The following HNF1B variants were observed in gnomAD, a reference collection of about 807,000 sequenced individuals.
HNF1B encodes the protein HNF1 homeobox B.
Under a neutral mutation model 61.7 loss-of-function variants are expected in HNF1B, and 8 were observed. That is an observed-to-expected ratio of 0.13 (90% CI 0.08 to 0.23). The LOEUF (loss-of-function observed/expected upper bound fraction) is 0.23. Among genes scored for constraint, HNF1B ranks in the 10% least tolerant of loss-of-function variants. The pLI is 1.00. For missense variants in HNF1B, 562 were observed against 714.5 expected (o/e 0.79, Z 2.43); for synonymous variants, 314 against 287.7 (o/e 1.09, Z -0.93).
intron 4 of HNF1B, among the ~76,000 whole-genome samples, chr17:37,712,877 A>G (rs2032981797): frequency 1.3e-5 from 2 of 152,228 alleles, no homozygotes; most frequent in Non-Finnish European, 2.9e-5. Context: ...AAGCTGGTAC[A>G]GGAATGGACC....
chr17:37,729,521 T>C (rs1200533256), intron 4 of HNF1B: 1 of 148,800 alleles, frequency 6.7e-6, no homozygotes, highest in African/African-American at 2.5e-5. Context: ...GAAACAGTAA[T>C]AGGATCTATT....
chr17:37,723,938 C>T (rs1175761064), intron 4 of HNF1B, among the ~76,000 whole-genome samples: 1 of 152,214 alleles, frequency 6.6e-6, no homozygotes, highest in Admixed American at 6.5e-5. Flanking sequence ...CAAGGTCACA[C>T]AGCAGTAAGT....
At chr17:37,710,786 T>C (rs2032910156) in intron 4 of HNF1B, 123 bp from the exon 5 acceptor site, 1 of 888,470 alleles carries the variant, frequency 1.1e-6, no homozygotes, top group African/African-American at 1.6e-5. Flanking sequence ...TCCTCCCCTG[T>C]CCACCCACAA....
chr17:37,699,040 C>A (rs973859138), intron 8 of HNF1B, 36 bp downstream of exon 8: 1 of 1,484,900 alleles, frequency 6.7e-7, no homozygotes. Flanking sequence ...CACACCCTGC[C>A]CACACCCCAA....
Position 37,706,788 on chromosome 17 carries a change from A to T in HNF1B, c.1207-1739T>A, listed in dbSNP as rs141788565. Among the ~76,000 whole-genome samples, 10 of 152,184 alleles carry T rather than the reference A, an allele frequency of 6.6e-5. No individual in the cohort carries two copies. The East Asian group carries it at 1.7e-3, about 26-fold the overall frequency. Reference sequence around the variant, plus strand: ...ACAGTAATTTCTCTGACATTTCAGCATTTGGTTAATGGTATAAGAGAAGTG... The same window carrying T: ...ACAGTAATTTCTCTGACATTTCAGCTTTTGGTTAATGGTATAAGAGAAGTG... On this transcript the variant is annotated intron_variant, in intron 5 of 8. Coordinates refer to ENST00000617811, the MANE Select transcript of HNF1B (RefSeq NM_000458.4).
At chr17:37,719,788 A>G (rs938293411) in intron 4 of HNF1B, among the ~76,000 whole-genome samples, 5 of 152,240 alleles carry the variant, frequency 3.3e-5, no homozygotes, top group African/African-American at 2.4e-5. Flanking sequence ...AAGGGCTAAT[A>G]AAATTGCCTT....
intron 1 of HNF1B, among the ~76,000 whole-genome samples, chr17:37,742,847 C>G (rs926720981): frequency 6.6e-6 from 1 of 151,318 alleles, no homozygotes; most frequent in East Asian, 1.9e-4. Context: ...GCCGCAGGGC[C>G]GCACGGGGCG....
At position 37,731,584 on chromosome 17, in the gene HNF1B, C is replaced by T. The variant is rs750390196; in HGVS notation, c.1045+11G>A. ...GGGTTGCCGAGGCAGTGAGGCCCAA[C>T]CTTTGCTTACCTGACAGCTTGTTTG... On this transcript the variant is annotated intron_variant, in intron 4 of 8. Coordinates refer to ENST00000617811, the MANE Select transcript of HNF1B (RefSeq NM_000458.4). 6.9e-6 allele frequency: 11 copies of T among 1,605,404 alleles called. No individual in the cohort carries two copies. The highest frequency in any genetic ancestry group is 3.3e-4 in the Middle Eastern group (2 of 6,078).
intron 6 of HNF1B, among the ~76,000 whole-genome samples, chr17:37,703,154 C>A (rs2147452723): frequency 6.6e-6 from 1 of 152,350 alleles, no homozygotes; most frequent in African/African-American, 2.4e-5. Flanking sequence ...CTCATCCTAA[C>A]ACTCCATAGT....
chr17:37,742,725 C>T (rs1299331468), intron 1 of HNF1B, among the ~76,000 whole-genome samples: 1 of 151,684 alleles, frequency 6.6e-6, no homozygotes, highest in Non-Finnish European at 1.5e-5. Flanking sequence ...GTCTAAGGAC[C>T]CTGGGCCGGG....
In HNF1B at chr17:37,721,106, T is replaced by C. The variant is rs2033299227; in HGVS notation, c.1046-10443A>G. On this transcript the variant is annotated intron_variant, in intron 4 of 8. Coordinates refer to ENST00000617811, the MANE Select transcript of HNF1B (RefSeq NM_000458.4). Reference sequence around the variant, plus strand: ...CCAAGCAGGAAGAGGCACCCTGCAGTGGACAGGGCCAGAAGGCATGGGCAT... The same window carrying C: ...CCAAGCAGGAAGAGGCACCCTGCAGCGGACAGGGCCAGAAGGCATGGGCAT... 2.0e-5 allele frequency among the ~76,000 whole-genome samples: 3 copies of C among 152,288 alleles called. No homozygotes were observed. The Middle Eastern group carries it at 0.01, about 518-fold the overall frequency.
intron 4 of HNF1B, among the ~76,000 whole-genome samples, chr17:37,726,094 A>C (rs556262817): frequency 5.8e-4 from 88 of 152,148 alleles, no homozygotes; most frequent in Non-Finnish European, 1.1e-3. Flanking sequence ...AGTGTCATTT[A>C]GAGGGGAACA....
At chr17:37,711,516 C>T (rs2032934621) in intron 4 of HNF1B, among the ~76,000 whole-genome samples, 1 of 152,178 alleles carries the variant, frequency 6.6e-6, no homozygotes, top group Non-Finnish European at 1.5e-5. Context: ...GAGGTCTGCT[C>T]TCAGGAAAGA....
chr17:37,739,823 G>A (rs1273719826), intron 1 of HNF1B, among the ~76,000 whole-genome samples, 184 bp from the exon 2 acceptor site: 7 of 152,104 alleles, frequency 4.6e-5, no homozygotes, highest in Middle Eastern at 3.2e-3. Flanking sequence ...GACTGCCCCT[G>A]TACGGTACAC....
At chr17:37,726,160 TTCTC>T (rs138092812) in intron 4 of HNF1B, among the ~76,000 whole-genome samples, 1 of 103,700 alleles carries the variant, frequency 9.6e-6, no homozygotes, top group Non-Finnish European at 2.2e-5. Flanking sequence ...GTGTGTGTCT[TTCTC>T]TCTCTCTCTC....
chr17:37,728,003 T>G (rs2147529909), intron 4 of HNF1B, among the ~76,000 whole-genome samples: 1 of 152,152 alleles, frequency 6.6e-6, no homozygotes, highest in South Asian at 2.1e-4. Flanking sequence ...TTGTTGTTTT[T>G]TTTTTAAGAC....
chr17:37,722,912 C>A (rs11658433), intron 4 of HNF1B, among the ~76,000 whole-genome samples: 127,131 of 151,952 alleles, frequency 0.84, 53,666 homozygotes, highest in African/African-American at 0.95. Context: ...CTTCGCCTGA[C>A]GTTTGGGGGC....
rs180814381 is a variant in HNF1B, at chr17:37,726,760, C to T, written c.1045+4835G>A. On this transcript the variant is annotated intron_variant, in intron 4 of 8. Coordinates refer to ENST00000617811, the MANE Select transcript of HNF1B (RefSeq NM_000458.4). ...AGAGTTCAGCGAAAGGGAGGAGCAG[C>T]AGCCACAGAAATAAATGTCTCCTCT... 3.3e-5 allele frequency among the ~76,000 whole-genome samples: 5 copies of T among 152,296 alleles called. No homozygotes were observed. The East Asian group carries it at 7.7e-4, about 24-fold the overall frequency.
At chr17:37,727,583 C>T (rs561170315) in intron 4 of HNF1B, among the ~76,000 whole-genome samples, 3 of 152,152 alleles carry the variant, frequency 2.0e-5, no homozygotes, top group Non-Finnish European at 4.4e-5. Flanking sequence ...GGAGGGGCAA[C>T]GCTGGAAACA....
Sources: gnomAD v4.1 joint callset for allele counts (sites outside exome capture counted in the v4.1 genomes callset) on GRCh38, gnomAD v4.1.1 for gene constraint, MANE v1.5 for transcripts, NCBI Gene and HGNC (gene_info 2026-07-23, HGNC 2026-07-21) for gene names.